CHSY3: variants seen among roughly 807,000 people sequenced by gnomAD.
CHSY3 encodes the protein chondroitin sulfate synthase 3, also known as N-acetylgalactosaminyl-proteoglycan 3-beta-glucuronosyltransferase 3.
In CHSY3, 35 loss-of-function variants were observed where a neutral mutation model predicts 67.2. The ratio of observed to expected loss-of-function variants is 0.52; its 90% confidence interval spans 0.40 to 0.69. CHSY3 has a LOEUF of 0.69. Ranked by LOEUF, CHSY3 falls within the 30% of genes least tolerant of loss-of-function variation. CHSY3 has a pLI of 0.00. For missense variants in CHSY3, 1,069 were observed against 1,138.5 expected (o/e 0.94, Z 0.88); for synonymous variants, 474 against 434.7 (o/e 1.09, Z -1.12).
At chr5:130,056,443 C>T (rs1054779400) in intron 2 of CHSY3, among the ~76,000 whole-genome samples, 6 of 152,054 alleles carry the variant, frequency 3.9e-5, no homozygotes, top group Admixed American at 3.9e-4. Context: ...ATACTGTGGG[C>T]TGTTAAATAT....
At chr5:130,059,620 A>G (rs1421983634) in intron 2 of CHSY3, among the ~76,000 whole-genome samples, 2 of 152,142 alleles carry the variant, frequency 1.3e-5, no homozygotes, top group African/African-American at 4.8e-5. Context: ...CCCTTTATCC[A>G]TAAAATAAGA....
At chr5:130,181,117 G>A (rs1045946042) in intron 2 of CHSY3, among the ~76,000 whole-genome samples, 9 of 152,124 alleles carry the variant, frequency 5.9e-5, no homozygotes, top group East Asian at 3.9e-4. Context: ...GGGGTCAGTC[G>A]GGGCACACTG....
At chr5:130,087,864 C>A (rs1324739165) in intron 2 of CHSY3, among the ~76,000 whole-genome samples, 1 of 151,050 alleles carries the variant, frequency 6.6e-6, no homozygotes, top group Admixed American at 6.6e-5. Flanking sequence ...TTGGAAAAAA[C>A]TACTTTAAAG....
At chr5:130,071,846 TCTTA>T (rs1197019119) in intron 2 of CHSY3, among the ~76,000 whole-genome samples, 1 of 152,020 alleles carries the variant, frequency 6.6e-6, no homozygotes. Context: ...TTCTCCACAT[TCTTA>T]CTAACATTGG....
chr5:129,973,802 A>G (rs571916723), intron 2 of CHSY3, among the ~76,000 whole-genome samples: 4 of 152,260 alleles, frequency 2.6e-5, no homozygotes, highest in African/African-American at 7.2e-5. Flanking sequence ...TTTTAGTCTT[A>G]TAGTTCTTCA....
intron 2 of CHSY3, among the ~76,000 whole-genome samples, chr5:130,087,792 C>T (rs1766707713): frequency 6.6e-6 from 1 of 151,298 alleles, no homozygotes; most frequent in African/African-American, 2.4e-5. Context: ...GCCATACCGC[C>T]CAAGGTAATT....
At chr5:130,000,546 A>G (rs1021114438) in intron 2 of CHSY3, among the ~76,000 whole-genome samples, 2 of 150,926 alleles carry the variant, frequency 1.3e-5, no homozygotes, top group East Asian at 3.9e-4. Context: ...TGATTATTTT[A>G]CAGACTGTAG....
chr5:130,163,463 A>C (rs1202813214), intron 2 of CHSY3, among the ~76,000 whole-genome samples: 1 of 152,146 alleles, frequency 6.6e-6, no homozygotes, highest in Non-Finnish European at 1.5e-5. Context: ...ACTCCCAACT[A>C]TTAATGACAC....
chr5:130,136,280 G>A (rs1580770176), intron 2 of CHSY3, among the ~76,000 whole-genome samples: 1 of 152,190 alleles, frequency 6.6e-6, no homozygotes, highest in East Asian at 1.9e-4. Context: ...GAAGGAATAA[G>A]TCACTCCAAG....
chr5:130,139,257 G>A (rs1028517679), intron 2 of CHSY3, among the ~76,000 whole-genome samples: 6 of 152,122 alleles, frequency 3.9e-5, no homozygotes, highest in Admixed American at 3.3e-4. Flanking sequence ...TTCAGCCAAG[G>A]GTAGAAATTG....
intron 2 of CHSY3, among the ~76,000 whole-genome samples, chr5:130,098,937 A>T (rs572717241): frequency 2.6e-5 from 4 of 152,312 alleles, no homozygotes; most frequent in African/African-American, 9.6e-5. Context: ...TTTTTCCCTA[A>T]AAAATGCCTT....
chr5:130,144,780 A>G (rs1285397333), intron 2 of CHSY3, among the ~76,000 whole-genome samples: 1 of 152,186 alleles, frequency 6.6e-6, no homozygotes, highest in Non-Finnish European at 1.5e-5. Context: ...TAGTAACCAA[A>G]CGTATTAGGC....
At chr5:130,029,182 C>G (rs1764640766) in intron 2 of CHSY3, among the ~76,000 whole-genome samples, 1 of 152,204 alleles carries the variant, frequency 6.6e-6, no homozygotes. Context: ...AGGTCTGGAG[C>G]CAGAAGCTTT....
chr5:130,013,294 C>G (rs1054788646), intron 2 of CHSY3, among the ~76,000 whole-genome samples: 17 of 152,110 alleles, frequency 1.1e-4, no homozygotes, highest in Non-Finnish European at 2.2e-4. Context: ...ATCTACCATT[C>G]TGGAGTTTGG....
intron 2 of CHSY3, among the ~76,000 whole-genome samples, chr5:129,946,468 T>A (rs182219595): frequency 6.6e-6 from 1 of 152,308 alleles, no homozygotes; most frequent in East Asian, 1.9e-4. Flanking sequence ...TGAAATTGTA[T>A]AAGTATTCAT....
chr5:130,093,080 G>A (rs1178710272), intron 2 of CHSY3, among the ~76,000 whole-genome samples: 1 of 152,086 alleles, frequency 6.6e-6, no homozygotes, highest in African/African-American at 2.4e-5. Context: ...CAATTTATGG[G>A]TTTATTCAAA....
At chr5:130,001,855 A>G in intron 2 of CHSY3, 1 of 905,894 alleles carries the variant, frequency 1.1e-6, no homozygotes, top group Non-Finnish European at 1.3e-6. Flanking sequence ...AATTTAACCC[A>G]CTAATATAAT....
chr5:129,989,058 T>G (rs184603718), intron 2 of CHSY3, among the ~76,000 whole-genome samples: 4 of 152,288 alleles, frequency 2.6e-5, no homozygotes, highest in Admixed American at 2.0e-4. Context: ...CTTTGCTTAG[T>G]TCCTGTCTTA....
intron 2 of CHSY3, among the ~76,000 whole-genome samples, chr5:130,080,645 A>C (rs1766416383): frequency 6.6e-6 from 1 of 152,038 alleles, no homozygotes; most frequent in African/African-American, 2.4e-5. Context: ...GACTATCTTC[A>C]TTGCTTCATT....
Sources: allele counts gnomAD v4.1 joint callset (sites outside exome capture counted in the v4.1 genomes callset), GRCh38; gene constraint gnomAD v4.1.1; transcripts MANE v1.5; gene names NCBI Gene and HGNC (gene_info 2026-07-23, HGNC 2026-07-21).